Variants in GNAQ observed in about 807,000 individuals in gnomAD.
The protein encoded by GNAQ is guanine nucleotide-binding protein G(q) subunit alpha.
Under a neutral mutation model 43.9 loss-of-function variants are expected in GNAQ, and 8 were observed. That is an observed-to-expected ratio of 0.18 (90% CI 0.11 to 0.33). The LOEUF (loss-of-function observed/expected upper bound fraction) is 0.33. GNAQ is among the 10% of genes least tolerant of loss of function. The pLI, the probability that GNAQ is intolerant of heterozygous loss-of-function variation, is 1.00. For synonymous variants in GNAQ, 155 were observed against 170.7 expected (o/e 0.91, Z 0.71); for missense variants, 158 against 450.8 (o/e 0.35, Z 5.88).
intron 2 of GNAQ, among the ~76,000 whole-genome samples, chr9:77,859,114 G>A (rs1016155933): frequency 1.3e-5 from 2 of 152,072 alleles, no homozygotes; most frequent in African/African-American, 2.4e-5. Context: ...ATTTCACATC[G>A]CCTGTGGGAG....
intron 1 of GNAQ, among the ~76,000 whole-genome samples, chr9:77,926,550 G>T (rs1269738264): frequency 6.6e-6 from 1 of 152,060 alleles, no homozygotes; most frequent in Non-Finnish European, 1.5e-5. Flanking sequence ...CAAGACCACT[G>T]GTACTATAAA....
chr9:77,749,120 G>A (rs1435188614), intron 5 of GNAQ, among the ~76,000 whole-genome samples: 1 of 152,116 alleles, frequency 6.6e-6, no homozygotes, highest in Non-Finnish European at 1.5e-5. Context: ...AGGCTGTGGG[G>A]TCTTCACTCT....
chr9:77,780,140 ATCC>A (rs1364538066), intron 5 of GNAQ, among the ~76,000 whole-genome samples: 1 of 151,972 alleles, frequency 6.6e-6, no homozygotes, highest in Non-Finnish European at 1.5e-5. Context: ...AACATGCAAT[ATCC>A]TCCTTCTAGG....
intron 2 of GNAQ, among the ~76,000 whole-genome samples, chr9:77,895,747 T>A (rs1828489806): frequency 6.6e-6 from 1 of 152,170 alleles, no homozygotes; most frequent in African/African-American, 2.4e-5. Context: ...AGGAGGGACC[T>A]GGTGGGAGAT....
intron 2 of GNAQ, among the ~76,000 whole-genome samples, chr9:77,833,350 T>C (rs1012706913): frequency 2.6e-5 from 4 of 152,246 alleles, no homozygotes; most frequent in Non-Finnish European, 4.4e-5. Context: ...GGCAGTCGAA[T>C]TCCCTAAAGG....
In GNAQ at chr9:77,965,909, G is replaced by A. The variant is rs753984017; in HGVS notation, c.137-43564C>T. The stretch of plus-strand genomic sequence containing the variant: ...AATGTTCACAGCAGCTTTATTTGTC[G>A]TAGCCAAACACTGGAAACAATCCAA... On this transcript the variant is annotated intron_variant, in intron 1 of 6. Coordinates refer to ENST00000286548, the MANE Select transcript of GNAQ (RefSeq NM_002072.5). 6.0e-5 allele frequency among the ~76,000 whole-genome samples: 9 copies of A among 150,736 alleles called. No homozygotes were observed. The East Asian group carries it at 9.7e-4, about 16-fold the overall frequency.
chr9:77,878,718 A>G (rs1197118612), intron 2 of GNAQ, among the ~76,000 whole-genome samples: 1 of 152,170 alleles, frequency 6.6e-6, no homozygotes, highest in Non-Finnish European at 1.5e-5. Flanking sequence ...AGACATTTTA[A>G]AGGTAAGATA....
chr9:77,886,790 C>T (rs947840896), intron 2 of GNAQ, among the ~76,000 whole-genome samples: 6 of 151,988 alleles, frequency 3.9e-5, no homozygotes, highest in Non-Finnish European at 7.4e-5. Flanking sequence ...GCTATGGATA[C>T]AGCTTAGCAT....
chr9:77,965,670 CA>C (rs746605068), intron 1 of GNAQ, among the ~76,000 whole-genome samples: 21 of 152,124 alleles, frequency 1.4e-4, no homozygotes, highest in African/African-American at 7.2e-5. Context: ...AAAATGGCAA[CA>C]TTTTTTTAAA....
At chr9:77,834,616 C>T (rs1336065895) in intron 2 of GNAQ, among the ~76,000 whole-genome samples, 2 of 152,068 alleles carry the variant, frequency 1.3e-5, no homozygotes, top group Non-Finnish European at 2.9e-5. Flanking sequence ...TACTTGAGGA[C>T]AAAGCCTTGC....
At chr9:77,721,630 T>TG in intron 6 of GNAQ, 117 bp from the exon 7 acceptor site, 1 of 683,860 alleles carries the variant, frequency 1.5e-6, no homozygotes, top group Non-Finnish European at 2.5e-6. Flanking sequence ...GCACTGCAGA[T>TG]TTGATCTGTT....
At chr9:77,746,935 A>AT (rs1185307575) in intron 5 of GNAQ, among the ~76,000 whole-genome samples, 1 of 152,188 alleles carries the variant, frequency 6.6e-6, no homozygotes, top group Non-Finnish European at 1.5e-5. Flanking sequence ...TCTTTAAAAA[A>AT]TTTTGTCTTT....
At chr9:77,835,366 C>T (rs1435803977) in intron 2 of GNAQ, among the ~76,000 whole-genome samples, 2 of 151,506 alleles carry the variant, frequency 1.3e-5, no homozygotes, top group African/African-American at 2.4e-5. Context: ...AAAATAATGA[C>T]CTTATATTTA....
At chr9:77,997,035 T>G (rs1823578099) in intron 1 of GNAQ, among the ~76,000 whole-genome samples, 3 of 152,236 alleles carry the variant, frequency 2.0e-5, no homozygotes, top group Admixed American at 2.0e-4. Context: ...TCACTGTGAT[T>G]TATCTCCCAT....
intron 2 of GNAQ, among the ~76,000 whole-genome samples, chr9:77,832,079 T>A (rs1286239383): frequency 8.1e-6 from 1 of 123,894 alleles, no homozygotes; most frequent in Non-Finnish European, 1.9e-5. Flanking sequence ...TTTGGAGAGA[T>A]TAGAGCACTT....
At chr9:77,861,823 A>G (rs1254941140) in intron 2 of GNAQ, among the ~76,000 whole-genome samples, 1 of 151,922 alleles carries the variant, frequency 6.6e-6, no homozygotes, top group Non-Finnish European at 1.5e-5. Flanking sequence ...AACATGGTGA[A>G]ACCCCATCTC....
intron 1 of GNAQ, among the ~76,000 whole-genome samples, chr9:78,001,078 G>A (rs1429410918): frequency 6.6e-6 from 1 of 152,076 alleles, no homozygotes; most frequent in East Asian, 1.9e-4. Context: ...TATAAAACAA[G>A]GAACTAAGGG....
chr9:77,803,410 G>A (rs1826778578), intron 3 of GNAQ, among the ~76,000 whole-genome samples: 1 of 152,210 alleles, frequency 6.6e-6, no homozygotes, highest in African/African-American at 2.4e-5. Flanking sequence ...CTAACACAGT[G>A]CAAACTGAGG....
intron 1 of GNAQ, among the ~76,000 whole-genome samples, chr9:78,015,923 A>C (rs1311596882): frequency 1.3e-5 from 2 of 152,202 alleles, no homozygotes; most frequent in Non-Finnish European, 2.9e-5. Flanking sequence ...AGAAAAAGTA[A>C]AAAATAAACT....
Sources: allele counts gnomAD v4.1 joint callset (sites outside exome capture counted in the v4.1 genomes callset), GRCh38; gene constraint gnomAD v4.1.1; transcripts MANE v1.5; gene names NCBI Gene and HGNC (gene_info 2026-07-23, HGNC 2026-07-21).